Variants in RPL27A observed in about 807,000 individuals in gnomAD.
RPL27A encodes the protein ribosomal protein L27a.
For missense variants in RPL27A, 118 were observed against 189.4 expected (o/e 0.62, Z 2.21); for synonymous variants, 69 against 68.3 (o/e 1.01, Z -0.05).
intron 2 of RPL27A, chr11:8,683,574 G>C (rs1050795335): frequency 5.8e-6 from 3 of 520,244 alleles, no homozygotes; most frequent in Non-Finnish European, 1.0e-5. Flanking sequence ...GCTGAAAACC[G>C]GCATCGGTAG....
chr11:8,685,617 G>T, intron 4 of RPL27A, 61 bp from the exon 5 acceptor site: 1 of 1,585,318 alleles, frequency 6.3e-7, no homozygotes, highest in Non-Finnish European at 8.7e-7. Flanking sequence ...CTTTCCTCAC[G>T]CCCATCACGC....
Position 8,689,352 on chromosome 11 carries a change from G to A in RPL27A, c.*3546G>A, listed in dbSNP as rs978426568. 1.1e-4 allele frequency: 17 copies of A among 152,248 alleles called. No individual in the cohort carries two copies. The highest frequency in any genetic ancestry group is 4.1e-4 in the African/African-American group (17 of 41,466). 9.4% of individuals were successfully genotyped at this position (152,248 alleles called of 1,614,324 possible). A position where few individuals can be genotyped will look rare whatever the true frequency, so the allele number is the denominator to read the frequency against. On this transcript the variant is annotated 3_prime_UTR_variant, in exon 5 of 5. Coordinates refer to ENST00000314138, the MANE Select transcript of RPL27A (RefSeq NM_000990.5). ...AGGGCACTTTGGGCTAAAAAAGAAA[G>A]TGCTTGTACACGGATGGAAATATTC... is the stretch of plus-strand genomic sequence containing the variant.
chr11:8,686,702 T>A lies in RPL27A; in HGVS notation c.*896T>A, dbSNP rs564296826. 1 of 152,322 alleles carries A rather than the reference T, an allele frequency of 6.6e-6. No homozygotes were observed. Among genetic ancestry groups the A allele is most frequent in the East Asian group, 1.9e-4 (1 of 5,194 alleles). The allele number at this position is 152,322 out of a possible 1,614,324, so 9.4% of individuals were successfully genotyped here. A position where few individuals can be genotyped will look rare whatever the true frequency, so the allele number is the denominator to read the frequency against. On this transcript the variant is annotated 3_prime_UTR_variant, in exon 5 of 5. Transcript: ENST00000314138. ...TAGTCTGAAATGTATCGGGAAAATT[T>A]GGAAATCCTGAAGGCTGGAAATTGA...
In RPL27A at chr11:8,687,389, T is replaced by TCCTCCCCC. The variant is rs760354952; in HGVS notation, c.*1585_*1586insTCCCCCCC. 9.9e-6 allele frequency: 1 copy of TCCTCCCCC among 100,804 alleles called. No individual in the cohort carries two copies. The highest frequency in any genetic ancestry group is 3.3e-5 in the African/African-American group (1 of 30,364). 6.2% of individuals were successfully genotyped at this position (100,804 alleles called of 1,614,324 possible). A position where few individuals can be genotyped will look rare whatever the true frequency, so the allele number is the denominator to read the frequency against. ...CTTGGGCAACAAGAGTGAAACTCTG[T>TCCTCCCCC]CCACCCCCCCCAAAAAAAGTAAGGG... On this transcript the variant is annotated 3_prime_UTR_variant, in exon 5 of 5. Transcript: ENST00000314138.
chr11:8,684,615 C>T, intron 3 of RPL27A, 103 bp from the exon 4 acceptor site: 2 of 978,382 alleles, frequency 2.0e-6, no homozygotes, highest in South Asian at 1.5e-5. Flanking sequence ...CTGCTCTACA[C>T]CAGTGAATAA....
intron 4 of RPL27A, chr11:8,685,410 G>T (rs1225328188): frequency 4.8e-6 from 3 of 629,734 alleles, no homozygotes; most frequent in Non-Finnish European, 9.0e-6. Context: ...TTAGCAGGGG[G>T]TATTTGAGCA....
intron 1 of RPL27A, 121 bp downstream of exon 1, chr11:8,682,937 C>T: frequency 7.4e-7 from 1 of 1,357,642 alleles, no homozygotes; most frequent in South Asian, 1.4e-5. Flanking sequence ...GCATGGCCGC[C>T]TGCGGGGCAG....
chr11:8,684,925 T>C, intron 4 of RPL27A, 33 bp downstream of exon 4: 2 of 1,599,232 alleles, frequency 1.3e-6, no homozygotes, highest in Non-Finnish European at 1.7e-6. Context: ...TGTACTTCCA[T>C]ACCTTCCCTT....
At chr11:8,684,380 T>C (rs1296256759) in intron 3 of RPL27A, 5 of 720,082 alleles carry the variant, frequency 6.9e-6, no homozygotes, top group East Asian at 2.7e-5. Flanking sequence ...ACCCACAAAC[T>C]AGTGGATGAT....
chr11:8,684,463 GAATTT>G, intron 3 of RPL27A: 1 of 693,238 alleles, frequency 1.4e-6, no homozygotes, highest in Non-Finnish European at 2.6e-6. Context: ...TATGTGACTT[GAATTT>G]TAGTCTCGGC....
intron 2 of RPL27A, chr11:8,683,618 G>A (rs1209476502): frequency 1.0e-5 from 5 of 490,340 alleles, no homozygotes; most frequent in Admixed American, 3.5e-5. Flanking sequence ...ACAGAAGTCT[G>A]GGAAACACTC....
rs1257522559 is a variant in RPL27A at position 8,686,912 on chromosome 11, A to G, written c.*1106A>G. On this transcript the variant is annotated 3_prime_UTR_variant, in exon 5 of 5. Coordinates refer to ENST00000314138, the MANE Select transcript of RPL27A (RefSeq NM_000990.5). ...CAGTCTAAAACTATAGACAAATAAGATGGCACTTAGACTCCTGGGTTTTAG... is the reference window on the plus strand; with the variant it reads ...CAGTCTAAAACTATAGACAAATAAGGTGGCACTTAGACTCCTGGGTTTTAG... The G allele has an allele frequency of 6.6e-6, 1 of 152,200 alleles. No individual in the cohort carries two copies. Among genetic ancestry groups the G allele is most frequent in the Non-Finnish European group, 1.5e-5 (1 of 68,042 alleles). 9.4% of individuals were successfully genotyped at this position (152,200 alleles called of 1,614,324 possible).
At chr11:8,684,962 C>G in intron 4 of RPL27A, 70 bp downstream of exon 4, 1 of 1,411,306 alleles carries the variant, frequency 7.1e-7, no homozygotes, top group Non-Finnish European at 1.0e-6. Flanking sequence ...ATCTAATCCA[C>G]TTATATAATC....
chr11:8,684,283 C>T (rs139230023), intron 3 of RPL27A: 3 of 756,720 alleles, frequency 4.0e-6, no homozygotes, highest in Non-Finnish European at 7.3e-6. Flanking sequence ...CTAGAGTCCT[C>T]GAAGAGTAAC....
rs1005259716 is a variant in RPL27A at position 8,689,722 on chromosome 11, C to G, written c.*3916C>G. The G allele has an allele frequency of 6.6e-6, 1 of 152,224 alleles. No homozygotes were observed. The highest frequency in any genetic ancestry group is 1.5e-5 in the Non-Finnish European group (1 of 68,044). The allele number at this position is 152,224 out of a possible 1,614,324, so 9.4% of individuals were successfully genotyped here. A position where few individuals can be genotyped will look rare whatever the true frequency, so the allele number is the denominator to read the frequency against. The stretch of plus-strand genomic sequence containing the variant: ...GTTAAAGCGTAAATTTAATTCCTGG[C>G]TCTATTTTACATCCCAATTTTTATT... On this transcript the variant is annotated 3_prime_UTR_variant, in exon 5 of 5. Transcript: ENST00000314138.
chr11:8,685,044 C>T (rs1302853042), intron 4 of RPL27A, 152 bp downstream of exon 4: 10 of 766,732 alleles, frequency 1.3e-5, no homozygotes, highest in South Asian at 4.9e-5. Flanking sequence ...GTTCCCTATC[C>T]GTAGCAGTGC....
intron 2 of RPL27A, 125 bp from the exon 3 acceptor site, chr11:8,683,881 C>T (rs759982728): frequency 2.6e-6 from 2 of 772,256 alleles, no homozygotes; most frequent in South Asian, 2.7e-5. Context: ...GGGGTTTCTC[C>T]GTGTTGGCCA....
At chr11:8,684,600 TGACA>T in intron 3 of RPL27A, 114 bp from the exon 4 acceptor site, 1 of 853,016 alleles carries the variant, frequency 1.2e-6, no homozygotes, top group Non-Finnish European at 1.9e-6. Context: ...ATCATATGCC[TGACA>T]CTGCTCTACA....
In RPL27A at chr11:8,686,862, G is replaced by T. The variant is rs1161303456; in HGVS notation, c.*1056G>T. ...GTTTTATGGTTCTTCCTGTGATTTTGAGCTTTTTTTGACCCAAAATAATAC... is the reference window on the plus strand; with the variant it reads ...GTTTTATGGTTCTTCCTGTGATTTTTAGCTTTTTTTGACCCAAAATAATAC... On this transcript the variant is annotated 3_prime_UTR_variant, in exon 5 of 5. Transcript: ENST00000314138. 6.6e-6 allele frequency: 1 copy of T among 152,046 alleles called. No homozygotes were observed. The highest frequency in any genetic ancestry group is 2.4e-5 in the African/African-American group (1 of 41,394). The allele number at this position is 152,046 out of a possible 1,614,324, so 9.4% of individuals were successfully genotyped here. A position where few individuals can be genotyped will look rare whatever the true frequency, so the allele number is the denominator to read the frequency against.
Sources: gnomAD v4.1 joint callset for allele counts on GRCh38, gnomAD v4.1.1 for gene constraint, MANE v1.5 for transcripts, NCBI Gene and HGNC (gene_info 2026-07-23, HGNC 2026-07-21) for gene names.